CCL5: variants seen among roughly 807,000 people sequenced by gnomAD.
CCL5 encodes C-C motif chemokine 5.
A neutral mutation model predicts 9.0 loss-of-function variants in CCL5; 5 were observed. The ratio of observed to expected loss-of-function variants is 0.55; its 90% CI spans 0.29 to 1.16. The LOEUF is 1.16. Ranked by LOEUF, CCL5 falls within the 50% of genes most tolerant of loss-of-function variation. CCL5 has a pLI of 0.08. For missense variants in CCL5, 183 were observed against 183.2 expected (o/e 1.00, Z 0.01); for synonymous variants, 66 against 72.0 (o/e 0.92, Z 0.42).
Position 35,872,353 on chromosome 17 carries a change from G to T in CCL5, c.382C>A (p.Leu128Ile). The change falls in exon 4 of 4, where the codon CTT (leucine) becomes ATT (isoleucine). Residue 128 changes from leucine (L) to isoleucine (I), a missense_variant. Transcript: ENST00000651122. ...AGCAGAAACAGGCAAATTTGTGTAA[G>T]TTCAGGTTCAAGGACTCTCCATCCT... 1 of 1,612,520 alleles carries T rather than the reference G, an allele frequency of 6.2e-7. No homozygotes were observed. The highest frequency in any genetic ancestry group is 1.1e-5 in the South Asian group (1 of 90,910).
intron 3 of CCL5, among the ~76,000 whole-genome samples, chr17:35,873,905 C>T (rs1358734581): frequency 6.6e-6 from 1 of 152,064 alleles, no homozygotes; most frequent in Non-Finnish European, 1.5e-5. Flanking sequence ...GCACTTGCAC[C>T]AAGTAACCAG....
chr17:35,880,253 C>T lies in CCL5; in HGVS notation c.53G>A (p.Cys18Tyr), dbSNP rs2144037997. Reference sequence around the variant, plus strand: ...ACATGGGGAGGCAGATGCAGGAGCGCAGAGGGCAGTAGCAATGAGGATGAC... The same window carrying T: ...ACATGGGGAGGCAGATGCAGGAGCGTAGAGGGCAGTAGCAATGAGGATGAC... Residue 18 changes from cysteine (C) to tyrosine (Y), a missense_variant, in exon 1 of 4, where the codon TGC (cysteine) becomes TAC (tyrosine). Cys to Tyr is a radical substitution (Grantham distance 194). Transcript: ENST00000651122. 1.9e-6 allele frequency: 3 copies of T among 1,613,764 alleles called. No individual in the cohort carries two copies. The East Asian group carries it at 6.7e-5, about 36-fold the overall frequency.
rs2088369958 is a variant in CCL5 at position 35,871,924 on chromosome 17, T to TG, written c.*345_*346insC. On this transcript the variant is annotated 3_prime_UTR_variant, in exon 4 of 4. Transcript: ENST00000651122. ...GCCCGGCTAATTTTTGTATTTTTTT[T>TG]TTTTTTTTTTTTTTTGAGACGGAGT... is the stretch of plus-strand genomic sequence containing the variant. 1 of 141,150 alleles carries TG rather than the reference T, an allele frequency of 7.1e-6. No homozygotes were observed. Among genetic ancestry groups the TG allele is most frequent in the African/African-American group, 2.7e-5 (1 of 37,708 alleles). 8.7% of individuals were successfully genotyped at this position (141,150 alleles called of 1,614,324 possible).
intron 3 of CCL5, among the ~76,000 whole-genome samples, chr17:35,874,729 G>A (rs896590644): frequency 2.0e-5 from 3 of 152,112 alleles, no homozygotes; most frequent in Non-Finnish European, 2.9e-5. Flanking sequence ...TCCTGCCTCA[G>A]CCTCCTGAGT....
intron 3 of CCL5, chr17:35,875,457 C>G: frequency 6.1e-6 from 2 of 329,850 alleles, no homozygotes; most frequent in Non-Finnish European, 8.7e-6. Flanking sequence ...TCTCCCACCC[C>G]GGTGTGCAGA....
At position 35,872,390 on chromosome 17, in the gene CCL5, A is replaced by G; in HGVS notation, c.345T>C (p.Phe115=). ...GGACTCTCCATCCTAGCTCATCTCC[A>G]AAGAGTTGATGTACTCCCGAACCCA... The change falls in exon 4 of 4, where the codon TTT becomes TTC. Residue 115 remains phenylalanine (F), a synonymous_variant. Coordinates refer to ENST00000651122, the MANE Select transcript of CCL5 (RefSeq NM_001278736.2). 1 of 1,613,736 alleles carries G rather than the reference A, an allele frequency of 6.2e-7. No individual in the cohort carries two copies. Among genetic ancestry groups the G allele is most frequent in the Non-Finnish European group, 8.5e-7 (1 of 1,179,914 alleles).
intron 2 of CCL5, among the ~76,000 whole-genome samples, chr17:35,877,525 G>A (rs949760480): frequency 6.6e-6 from 1 of 152,190 alleles, no homozygotes; most frequent in African/African-American, 2.4e-5. Flanking sequence ...TCTAGAGATG[G>A]ACTTCATCCC....
rs1392009804 is a variant in CCL5 at position 35,875,570 on chromosome 17, G to T, written c.261C>A (p.Asn87Lys). ...AGTTTCAGACACAGACCTTGCCCTTGTTCAGCCGGGAGTCATACAGGAAAT... is the reference window on the plus strand; with the variant it reads ...AGTTTCAGACACAGACCTTGCCCTTTTTCAGCCGGGAGTCATACAGGAAAT... Residue 87 changes from asparagine to lysine, a missense_variant, in exon 3 of 4, where the codon AAC (asparagine) becomes AAA (lysine). By Grantham distance (94) the Asn-to-Lys change is moderately conservative. Transcript: ENST00000651122. 2.0e-6 allele frequency: 2 copies of T among 984,924 alleles called. No homozygotes were observed. The highest frequency in any genetic ancestry group is 3.5e-5 in the African/African-American group (2 of 57,222). The allele number at this position is 984,924 out of a possible 1,614,324, so 61.0% of individuals were successfully genotyped here.
At position 35,872,245 on chromosome 17, in the gene CCL5, T is replaced by C; in HGVS notation, c.*25A>G. 6.7e-7 allele frequency: 1 copy of C among 1,484,016 alleles called. No homozygotes were observed. Among genetic ancestry groups the C allele is most frequent in the Non-Finnish European group, 9.0e-7 (1 of 1,110,132 alleles). The allele number at this position is 1,484,016 out of a possible 1,614,324, so 91.9% of individuals were successfully genotyped here. A position where few individuals can be genotyped will look rare whatever the true frequency, so the allele number is the denominator to read the frequency against. ...GCCTGGGGAAGGTTTTTGTAACTGC[T>C]GCTGTGTGGTAGAATCTGGGCCCTT... On this transcript the variant is annotated 3_prime_UTR_variant, in exon 4 of 4. Transcript: ENST00000651122.
chr17:35,875,527 T>A (rs2088431123), intron 3 of CCL5: 1 of 901,044 alleles, frequency 1.1e-6, no homozygotes. Flanking sequence ...TTTGTGTTCT[T>A]ATTTAGGGTG....
Position 35,875,636 on chromosome 17 carries a change from C to T in CCL5, c.195G>A (p.Arg65=). ...GTCCCTCTCTCTTTGGCATCCTTGA[C>T]CTGTGGCTAGGAAGTCAAAAGGCCA... The change falls in exon 3 of 4, where the codon AGG becomes AGA. Residue 65 remains arginine, a synonymous_variant. Transcript: ENST00000651122. 1.0e-6 allele frequency: 1 copy of T among 985,220 alleles called. No homozygotes were observed. Among genetic ancestry groups the T allele is most frequent in the Non-Finnish European group, 1.2e-6 (1 of 829,770 alleles). 61.0% of individuals were successfully genotyped at this position (985,220 alleles called of 1,614,324 possible). A position where few individuals can be genotyped will look rare whatever the true frequency, so the allele number is the denominator to read the frequency against.
intron 1 of CCL5, among the ~76,000 whole-genome samples, chr17:35,879,847 T>G (rs1348402719): frequency 6.6e-6 from 1 of 152,000 alleles, no homozygotes; most frequent in African/African-American, 2.4e-5. Context: ...TCTCAGGAAG[T>G]TTTAGTTTAG....
At chr17:35,874,216 G>A (rs920991096) in intron 3 of CCL5, among the ~76,000 whole-genome samples, 10 of 152,122 alleles carry the variant, frequency 6.6e-5, no homozygotes, top group African/African-American at 1.9e-4. Context: ...TTTTACTTAA[G>A]TTCAAATACT....
intron 2 of CCL5, among the ~76,000 whole-genome samples, chr17:35,876,474 G>A (rs553445244): frequency 6.6e-6 from 1 of 152,328 alleles, no homozygotes; most frequent in African/African-American, 2.4e-5. Context: ...GGAAACCTCA[G>A]TGTCATCCTT....
intron 2 of CCL5, among the ~76,000 whole-genome samples, chr17:35,876,942 T>C (rs1462418441): frequency 1.3e-5 from 2 of 152,140 alleles, no homozygotes; most frequent in Non-Finnish European, 2.9e-5. Flanking sequence ...CATGTTTTTT[T>C]TTGCTGTGTA....
intron 3 of CCL5, among the ~76,000 whole-genome samples, chr17:35,873,487 G>A (rs111996127): frequency 2.0e-5 from 3 of 152,250 alleles, no homozygotes; most frequent in African/African-American, 7.2e-5. Context: ...GCGCCTGGCC[G>A]AGAAGTTCTT....
At chr17:35,878,112 G>A (rs571856448) in intron 2 of CCL5, among the ~76,000 whole-genome samples, 5 of 151,678 alleles carry the variant, frequency 3.3e-5, no homozygotes, top group African/African-American at 7.3e-5. Flanking sequence ...GTGAAACCCC[G>A]TCTCTACTAA....
Position 35,872,223 on chromosome 17 carries a change from T to G in CCL5, c.*47A>C. 1 of 1,373,448 alleles carries G rather than the reference T, an allele frequency of 7.3e-7. No homozygotes were observed. The highest frequency in any genetic ancestry group is 9.7e-7 in the Non-Finnish European group (1 of 1,035,502). The allele number at this position is 1,373,448 out of a possible 1,614,324, so 85.1% of individuals were successfully genotyped here. ...CAGGCGTGAGCCACCACGTCCAGCC[T>G]GGGGAAGGTTTTTGTAACTGCTGCT... On this transcript the variant is annotated 3_prime_UTR_variant, in exon 4 of 4. Transcript: ENST00000651122.
chr17:35,880,264 A>C lies in CCL5; in HGVS notation c.42T>G (p.Ala14=), dbSNP rs1190404337. 6.2e-7 allele frequency: 1 copy of C among 1,613,902 alleles called. No homozygotes were observed. The highest frequency in any genetic ancestry group is 8.5e-7 in the Non-Finnish European group (1 of 1,179,918). Residue 14 remains alanine, a synonymous_variant, in exon 1 of 4, where the codon GCT becomes GCG. Coordinates refer to ENST00000651122, the MANE Select transcript of CCL5 (RefSeq NM_001278736.2). ...CAGATGCAGGAGCGCAGAGGGCAGT[A>C]GCAATGAGGATGACAGCGAGGGCTG...
Sources: allele counts gnomAD v4.1 joint callset (sites outside exome capture counted in the v4.1 genomes callset), GRCh38; gene constraint gnomAD v4.1.1; transcripts MANE v1.5; gene names NCBI Gene and HGNC (gene_info 2026-07-23, HGNC 2026-07-21).